SLC6A13: variants seen among roughly 807,000 people sequenced by gnomAD.
SLC6A13 encodes solute carrier family 6 member 13, also known as sodium- and chloride-dependent GABA transporter 2.
In SLC6A13, 69 loss-of-function variants were observed where a neutral mutation model predicts 72.9. The observed-to-expected ratio is 0.95, with a 90% CI of 0.78 to 1.16. SLC6A13 has a LOEUF of 1.16. Ranked by LOEUF, SLC6A13 falls within the 50% of genes most tolerant of loss-of-function variation. The pLI is 0.00. For missense variants in SLC6A13, 735 were observed against 760.5 expected, an observed-to-expected ratio of 0.97 and a Z score of 0.39; for synonymous variants, 303 against 303.0, an observed-to-expected ratio of 1.00 and a Z score of 0.00.
In SLC6A13 at chr12:235,148, GC is replaced by G; in HGVS notation, c.772del (p.Ala258GlnfsTer40). 6.2e-7 allele frequency: 1 copy of G among 1,614,192 alleles called. No homozygotes were observed. Among genetic ancestry groups the G allele is most frequent in the African/African-American group, 1.3e-5 (1 of 75,052 alleles). ...LLIRGVTLPG[A>X]AQGIQFYLYP... ...CAGGTAAAACTGAATTCCTTGGGCT[GC>G]CCCAGGCAACGTCACCCCTCGAATT... On this transcript the variant is annotated frameshift_variant, in exon 7 of 15. Coordinates refer to ENST00000343164, the MANE Select transcript of SLC6A13 (RefSeq NM_016615.5). LOFTEE classifies it high-confidence loss of function.
intron 2 of SLC6A13, among the ~76,000 whole-genome samples, chr12:251,928 A>C (rs1942568060): frequency 6.6e-6 from 1 of 152,204 alleles, no homozygotes; most frequent in African/African-American, 2.4e-5. Flanking sequence ...GCACCATTGC[A>C]CTGCACCATT....
chr12:238,284 G>C, intron 4 of SLC6A13: 4 of 1,438,124 alleles, frequency 2.8e-6, no homozygotes, highest in Non-Finnish European at 3.7e-6. Context: ...GTGCTCTTCA[G>C]GTCAGCTGCT....
chr12:247,975 C>T (rs977201512), intron 2 of SLC6A13, among the ~76,000 whole-genome samples: 1 of 147,564 alleles, frequency 6.8e-6, no homozygotes, highest in African/African-American at 2.5e-5. Flanking sequence ...AATAAGCCAA[C>T]AAAAAGAAGA....
chr12:224,173 A>G (rs1008320784), intron 10 of SLC6A13, 44 bp from the exon 11 acceptor site: 18 of 1,611,402 alleles, frequency 1.1e-5, no homozygotes, highest in Middle Eastern at 1.7e-4. Context: ...AGAGCTCCCG[A>G]GATGCCCTGT....
At chr12:249,104 A>C (rs986616517) in intron 2 of SLC6A13, among the ~76,000 whole-genome samples, 4 of 152,244 alleles carry the variant, frequency 2.6e-5, no homozygotes, top group African/African-American at 9.6e-5. Flanking sequence ...CCAGTATCAT[A>C]ATTTGTGGCA....
chr12:235,145 G>T lies in SLC6A13; in HGVS notation c.776C>A (p.Ala259Asp), dbSNP rs1325127417. The change falls in exon 7 of 15, where the codon GCC (alanine) becomes GAC (aspartate). Residue 259 changes from alanine (A) to aspartate (D), a missense_variant. Coordinates refer to ENST00000343164, the MANE Select transcript of SLC6A13 (RefSeq NM_016615.5). ...LIRGVTLPGAAQGIQFYLYPN... is the reference protein window; with the variant it reads ...LIRGVTLPGADQGIQFYLYPN... The stretch of plus-strand genomic sequence containing the variant: ...GTACAGGTAAAACTGAATTCCTTGG[G>T]CTGCCCCAGGCAACGTCACCCCTCG... 1.9e-6 allele frequency: 3 copies of T among 1,614,214 alleles called. No individual in the cohort carries two copies. Among genetic ancestry groups the T allele is most frequent in the Non-Finnish European group, 2.5e-6 (3 of 1,180,040 alleles).
intron 7 of SLC6A13, among the ~76,000 whole-genome samples, chr12:234,034 T>C (rs537777584): frequency 6.9e-4 from 105 of 152,194 alleles, no homozygotes; most frequent in African/African-American, 2.5e-3. Context: ...CAGGTTTCAG[T>C]AAAGAAGCTG....
chr12:241,127 A>T (rs1224268949), intron 4 of SLC6A13, among the ~76,000 whole-genome samples: 2 of 151,986 alleles, frequency 1.3e-5, no homozygotes. Context: ...AAAATGGTGA[A>T]ACCCTGTCTC....
intron 2 of SLC6A13, among the ~76,000 whole-genome samples, chr12:251,347 G>T (rs977489007): frequency 6.6e-6 from 1 of 152,024 alleles, no homozygotes; most frequent in African/African-American, 2.4e-5. Flanking sequence ...TTTGATGAAG[G>T]TATAAAGGCA....
chr12:260,848 T>C (rs1334203531), intron 1 of SLC6A13, among the ~76,000 whole-genome samples: 2 of 152,236 alleles, frequency 1.3e-5, no homozygotes, highest in Non-Finnish European at 2.9e-5. Flanking sequence ...ATAGGAACAT[T>C]TCCTTATCTA....
At chr12:243,962 G>A (rs966106590) in intron 2 of SLC6A13, 149 bp from the exon 3 acceptor site, 46 of 687,302 alleles carry the variant, frequency 6.7e-5, no homozygotes, top group Non-Finnish European at 9.9e-5. Flanking sequence ...CTAGATGTTT[G>A]GAACATAGCA....
At chr12:250,829 CCCCCAAAAA>C (rs1565506188) in intron 2 of SLC6A13, among the ~76,000 whole-genome samples, 1 of 6,004 alleles carries the variant, frequency 1.7e-4, no homozygotes, top group African/African-American at 5.7e-4. Context: ...CCAAAATAGC[CCCCCAAAAA>C]AAAAAAAAAA....
At chr12:245,842 G>A (rs1185183187) in intron 2 of SLC6A13, among the ~76,000 whole-genome samples, 2 of 152,100 alleles carry the variant, frequency 1.3e-5, no homozygotes, top group Middle Eastern at 3.2e-3. Flanking sequence ...AATTAGCTGG[G>A]CGCGGTGGCT....
chr12:256,886 G>A (rs776755836), intron 2 of SLC6A13, among the ~76,000 whole-genome samples: 10 of 152,050 alleles, frequency 6.6e-5, no homozygotes, highest in East Asian at 1.9e-4. Flanking sequence ...GTATCCCAGC[G>A]TCCTTGCTCA....
intron 7 of SLC6A13, among the ~76,000 whole-genome samples, chr12:231,843 G>A (rs1210522117): frequency 6.6e-6 from 1 of 152,216 alleles, no homozygotes; most frequent in Non-Finnish European, 1.5e-5. Flanking sequence ...GCACATAGTA[G>A]GTGCTCATAG....
chr12:260,280 G>A (rs1050239206), intron 1 of SLC6A13, among the ~76,000 whole-genome samples: 5 of 152,216 alleles, frequency 3.3e-5, no homozygotes, highest in African/African-American at 1.2e-4. Flanking sequence ...AGAAAGTGTT[G>A]GTACTGACAG....
rs752367043 is a variant in SLC6A13, at chr12:221,481, CG to C, written c.1580del (p.Pro527ArgfsTer72). 9.3e-6 allele frequency: 15 copies of C among 1,613,378 alleles called. No individual in the cohort carries two copies. Among genetic ancestry groups the C allele is most frequent in the Non-Finnish European group, 1.3e-5 (15 of 1,179,788 alleles). ...PLTYNKKYTY[P>X]WWGDALGWLL... ...GCCAGCCCAGGGCATCGCCCCACCA[CG>C]GGTACGTGTACTTCTTGTTGTAGGT... On this transcript the variant is annotated frameshift_variant, in exon 14 of 15. Coordinates refer to ENST00000343164, the MANE Select transcript of SLC6A13 (RefSeq NM_016615.5). LOFTEE classifies it high-confidence loss of function.
rs147679992 is a variant in SLC6A13 at position 235,108 on chromosome 12, C to G, written c.813G>C (p.Thr271=). 8.1e-5 allele frequency: 131 copies of G among 1,614,186 alleles called. 1 individual carries two copies. In the African/African-American group the frequency reaches 1.5e-3, roughly 19 times the overall value. ...TTCTTACCTGGGGATCCCACAGACGCGTGAGGTTTGGGTACAGGTAAAACT... is the reference window on the plus strand; with the variant it reads ...TTCTTACCTGGGGATCCCACAGACGGGTGAGGTTTGGGTACAGGTAAAACT... ...GIQFYLYPNL[T]RLWDPQVWMD... The change falls in exon 7 of 15, where the codon ACG becomes ACC. Residue 271 remains threonine, a synonymous_variant. Transcript: ENST00000343164.
chr12:225,965 T>A lies in SLC6A13; in HGVS notation c.1060+425A>T, dbSNP rs559952505. 2.0e-5 allele frequency among the ~76,000 whole-genome samples: 3 copies of A among 152,358 alleles called. No individual in the cohort carries two copies. The South Asian group carries it at 6.2e-4, about 32-fold the overall frequency. ...GGAAACTTCGCCTTGAGATTCATTT[T>A]ATAGTGAACAAAACGAGGCCAGGTG... is the stretch of plus-strand genomic sequence containing the variant. On this transcript the variant is annotated intron_variant, in intron 9 of 14. Coordinates refer to ENST00000343164, the MANE Select transcript of SLC6A13 (RefSeq NM_016615.5).
Sources: allele counts gnomAD v4.1 joint callset (sites outside exome capture counted in the v4.1 genomes callset), GRCh38; gene constraint gnomAD v4.1.1; transcripts MANE v1.5; gene names NCBI Gene and HGNC (gene_info 2026-07-23, HGNC 2026-07-21).